Variants in RBFOX1 observed in about 807,000 individuals in gnomAD.
The protein encoded by RBFOX1 is RNA binding protein fox-1 homolog 1.
RBFOX1 carries 8 observed loss-of-function variants against 57.7 expected under a neutral mutation model. The observed-to-expected ratio is 0.14, with a 90% CI of 0.08 to 0.25. The LOEUF (loss-of-function observed/expected upper bound fraction) is 0.25, where lower values mean the gene tolerates loss of function less well. Among genes scored for constraint, RBFOX1 ranks in the 10% least tolerant of loss-of-function variants. The pLI, the probability that RBFOX1 is intolerant of heterozygous loss-of-function variation, is 1.00. For synonymous variants in RBFOX1, 326 were observed against 222.4 expected (o/e 1.47, Z -4.15); for missense variants, 611 against 548.5 (o/e 1.11, Z -1.14).
chr16:7,449,829 GT>G (rs1403026226), intron 4 of RBFOX1, among the ~76,000 whole-genome samples: 2 of 151,982 alleles, frequency 1.3e-5, no homozygotes, highest in African/African-American at 4.8e-5. Flanking sequence ...CCTTCACAGG[GT>G]AAAGTGTTCT....
chr16:6,473,022 G>C (rs989052078), intron 2 of RBFOX1, among the ~76,000 whole-genome samples: 9 of 152,210 alleles, frequency 5.9e-5, no homozygotes, highest in Admixed American at 5.2e-4. Flanking sequence ...ACCTTTACAA[G>C]ATGTATGCTG....
At chr16:5,817,036 C>A (rs996920765) in intron 3 of RBFOX1, among the ~76,000 whole-genome samples, 1 of 152,198 alleles carries the variant, frequency 6.6e-6, no homozygotes, top group African/African-American at 2.4e-5. Flanking sequence ...AGGAGATCCA[C>A]CCACCTCCAG....
chr16:6,157,539 A>T (rs999385006), intron 1 of RBFOX1, among the ~76,000 whole-genome samples: 1 of 152,134 alleles, frequency 6.6e-6, no homozygotes, highest in Non-Finnish European at 1.5e-5. Context: ...CATGCTTTTT[A>T]TCATTTGTCT....
rs62013931 is a variant in RBFOX1, at chr16:5,946,790, T to C, written c.351+79455T>C. Among the ~76,000 whole-genome samples, 12,472 of 152,246 alleles carry C rather than the reference T, an allele frequency of 0.082. 531 individuals are homozygous for C. Among genetic ancestry groups the C allele is most frequent in the African/African-American group, 0.11 (4,685 of 41,548 alleles). ...TCTGATTCTAACTCCAGGTGGATCATGTCAGAATTGAACTGTAGGACACCC... is the reference window on the plus strand; with the variant it reads ...TCTGATTCTAACTCCAGGTGGATCACGTCAGAATTGAACTGTAGGACACCC... On this transcript the variant is annotated intron_variant, in intron 4 of 19. Coordinates refer to the RBFOX1 transcript ENST00000641259. This position sits in a 1 kb window ranked among gnomAD's most constrained non-coding sequence, Gnocchi z 4.6.
At chr16:5,724,152 C>G (rs2052043485) in intron 3 of RBFOX1, among the ~76,000 whole-genome samples, 1 of 152,122 alleles carries the variant, frequency 6.6e-6, no homozygotes, top group East Asian at 1.9e-4. Flanking sequence ...TTTGTTTTAT[C>G]TCAAAGAAGA....
chr16:5,699,031 G>A (rs1344161636), intron 3 of RBFOX1, among the ~76,000 whole-genome samples: 3 of 138,934 alleles, frequency 2.2e-5, no homozygotes, highest in East Asian at 2.1e-4. Flanking sequence ...TCTGTTGCCC[G>A]GGCTGGAATG....
intron 3 of RBFOX1, among the ~76,000 whole-genome samples, chr16:6,890,254 C>T (rs569370088): frequency 6.6e-6 from 1 of 152,314 alleles, no homozygotes; most frequent in South Asian, 2.1e-4. Context: ...CATGGTAGCT[C>T]ATGCCTGTAA....
At chr16:6,825,896 T>C (rs533068759) in intron 3 of RBFOX1, among the ~76,000 whole-genome samples, 1 of 152,326 alleles carries the variant, frequency 6.6e-6, no homozygotes, top group East Asian at 1.9e-4. Flanking sequence ...GCAGCAAGAC[T>C]TTAGGAATCG....
intron 3 of RBFOX1, among the ~76,000 whole-genome samples, chr16:6,881,136 G>C (rs901594727): frequency 6.6e-6 from 1 of 152,166 alleles, no homozygotes; most frequent in Non-Finnish European, 1.5e-5. Context: ...GCTCCAGGCA[G>C]TGACTATAGA....
chr16:6,560,539 T>G (rs2097167224), intron 2 of RBFOX1, among the ~76,000 whole-genome samples: 1 of 151,552 alleles, frequency 6.6e-6, no homozygotes, highest in African/African-American at 2.4e-5. Context: ...CCAGAGGGAG[T>G]GGAGCGGAAA....
intron 4 of RBFOX1, among the ~76,000 whole-genome samples, chr16:7,422,427 C>A (rs1261561278): frequency 1.3e-5 from 2 of 152,158 alleles, no homozygotes; most frequent in African/African-American, 4.8e-5. Context: ...ACATTACCTG[C>A]ATTATTTCGG....
chr16:7,218,234 GGCCAAATCATCT>G (rs1257358296), intron 4 of RBFOX1, among the ~76,000 whole-genome samples: 1 of 152,054 alleles, frequency 6.6e-6, no homozygotes, highest in Non-Finnish European at 1.5e-5. Context: ...TCATTAATTT[GGCCAAATCATCT>G]GAAAATCACT....
At chr16:6,766,463 C>G (rs1408498806) in intron 3 of RBFOX1, among the ~76,000 whole-genome samples, 3 of 151,838 alleles carry the variant, frequency 2.0e-5, no homozygotes, top group African/African-American at 7.3e-5. Flanking sequence ...ACATGCCCTT[C>G]TTCATTTTTA....
chr16:7,368,265 GAA>G (rs111544738), intron 4 of RBFOX1, among the ~76,000 whole-genome samples: 23 of 118,520 alleles, frequency 1.9e-4, no homozygotes, highest in Non-Finnish European at 2.0e-4. Flanking sequence ...AGACTGTCTC[GAA>G]AAAAAAAAAA....
intron 3 of RBFOX1, among the ~76,000 whole-genome samples, chr16:5,727,137 T>C (rs1360138181): frequency 2.6e-5 from 4 of 152,116 alleles, no homozygotes; most frequent in African/African-American, 9.7e-5. Flanking sequence ...TGTTCTTTCA[T>C]GTGCCTGTAA....
intron 4 of RBFOX1, among the ~76,000 whole-genome samples, chr16:7,356,650 T>G (rs1220012823): frequency 6.6e-6 from 1 of 152,224 alleles, no homozygotes; most frequent in Non-Finnish European, 1.5e-5. Context: ...TTTGGTTTAT[T>G]CGGTAAGCTT....
chr16:7,325,549 C>T (rs892177423), intron 4 of RBFOX1, among the ~76,000 whole-genome samples: 4 of 152,178 alleles, frequency 2.6e-5, no homozygotes, highest in Non-Finnish European at 5.9e-5. Context: ...TTTGCATACA[C>T]TAACTGAAAG....
In RBFOX1 at chr16:6,305,944, C is replaced by T. The variant is rs997889025; in HGVS notation, c.-126-11051C>T. On this transcript the variant is annotated intron_variant, in intron 1 of 15. Coordinates refer to ENST00000550418, the MANE Select transcript of RBFOX1 (RefSeq NM_018723.4). ...TAGGAAGTTGAGCTTCAAGAAGGAG[C>T]TGTCAGTGCAGGGTGGTCCATGAAA... Among the ~76,000 whole-genome samples the T allele has an allele frequency of 2.6e-5, 4 of 152,102 alleles. 1 individual carries two copies. The highest frequency in any genetic ancestry group is 4.1e-4 in the South Asian group (2 of 4,826).
At chr16:7,702,120 G>C in intron 14 of RBFOX1, among the ~76,000 whole-genome samples, 1 of 152,230 alleles carries the variant, frequency 6.6e-6, no homozygotes, top group Middle Eastern at 3.4e-3. Flanking sequence ...TTCTCAAATG[G>C]ATGCGCACTG....
Sources: gnomAD v4.1 joint callset for allele counts (sites outside exome capture counted in the v4.1 genomes callset) on GRCh38, gnomAD v4.1.1 for gene constraint, Gnocchi (gnomAD v3.1) non-coding constraint, MANE v1.5 for transcripts, NCBI Gene and HGNC (gene_info 2026-07-23, HGNC 2026-07-21) for gene names.